Variants in IGBP1C observed in about 807,000 individuals in gnomAD.
IGBP1C encodes the protein immunoglobulin-binding protein 1 family member C.
the IGBP1C span, among the ~76,000 whole-genome samples, chr17:58,663,288 G>T: frequency 6.6e-6 from 1 of 151,162 alleles, no homozygotes; most frequent in Non-Finnish European, 1.5e-5. Context: ...CGGTTGTGGC[G>T]GTGCATGCCT....
the IGBP1C span, among the ~76,000 whole-genome samples, chr17:58,686,859 AC>A: frequency 9.2e-4 from 89 of 96,460 alleles, no homozygotes; most frequent in African/African-American, 3.5e-3. Context: ...ATGAAAGGTC[AC>A]CTTTTTTTTT....
At chr17:58,669,599 T>G in the IGBP1C span, among the ~76,000 whole-genome samples, 1 of 151,402 alleles carries the variant, frequency 6.6e-6, no homozygotes, top group African/African-American at 2.4e-5. Context: ...CCAGGTGTGG[T>G]GGCGCATGCC....
chr17:58,676,441 T>A, the IGBP1C span, among the ~76,000 whole-genome samples: 1 of 151,074 alleles, frequency 6.6e-6, no homozygotes, highest in East Asian at 1.9e-4. Context: ...GCGTCTGTAA[T>A]CTCAGCTACT....
the IGBP1C span, chr17:58,675,547 T>A: frequency 2.6e-5 from 4 of 152,200 alleles, no homozygotes; most frequent in African/African-American, 9.6e-5. Context: ...CTCCAGACAA[T>A]CTCTGGCTCT....
chr17:58,683,841 C>T, the IGBP1C span, among the ~76,000 whole-genome samples: 5 of 149,572 alleles, frequency 3.3e-5, no homozygotes, highest in South Asian at 4.2e-4. Context: ...CTGAGGCGGG[C>T]GGATCACAAG....
the IGBP1C span, chr17:58,677,522 A>G: frequency 3.3e-5 from 5 of 152,254 alleles, no homozygotes; most frequent in African/African-American, 7.2e-5. Flanking sequence ...GAGAAGCCAA[A>G]CACGGCCACA....
At chr17:58,685,194 G>T in the IGBP1C span, among the ~76,000 whole-genome samples, 1 of 152,046 alleles carries the variant, frequency 6.6e-6, no homozygotes, top group Non-Finnish European at 1.5e-5. Flanking sequence ...AGCACGTTGG[G>T]AGGCCGAGGT....
the IGBP1C span, among the ~76,000 whole-genome samples, chr17:58,686,833 C>T: frequency 6.7e-6 from 1 of 149,070 alleles, no homozygotes; most frequent in Non-Finnish European, 1.5e-5. Flanking sequence ...TCTCCTATTC[C>T]CAAACCCACT....
chr17:58,679,579 C>T, the IGBP1C span: 15 of 152,226 alleles, frequency 9.9e-5, no homozygotes, highest in Admixed American at 6.6e-5. Context: ...AATTAAGTTT[C>T]CCACATTTGT....
chr17:58,686,132 C>G, the IGBP1C span, among the ~76,000 whole-genome samples: 2 of 151,898 alleles, frequency 1.3e-5, no homozygotes, highest in Non-Finnish European at 2.9e-5. Context: ...GTCCTTGTGA[C>G]CAGGAGTTCA....
chr17:58,679,818 C>T, the IGBP1C span: 1 of 152,038 alleles, frequency 6.6e-6, no homozygotes, highest in Admixed American at 6.6e-5. Context: ...CTACAATAAC[C>T]CAGCACCTGT....
chr17:58,663,344 C>T, the IGBP1C span, among the ~76,000 whole-genome samples: 7 of 147,302 alleles, frequency 4.8e-5, no homozygotes, highest in East Asian at 4.0e-4. Context: ...ATTGCTTGAA[C>T]GTGGGAGGCG....
At chr17:58,679,298 G>A in the IGBP1C span, among the ~76,000 whole-genome samples, 2 of 152,188 alleles carry the variant, frequency 1.3e-5, no homozygotes, top group African/African-American at 4.8e-5. Flanking sequence ...CTCCCTTAGA[G>A]CCGCCAAAGG....
chr17:58,684,678 T>A, the IGBP1C span, among the ~76,000 whole-genome samples: 14 of 146,016 alleles, frequency 9.6e-5, no homozygotes, highest in South Asian at 2.2e-4. Flanking sequence ...AATAAATAAA[T>A]AAAAAGCTTT....
chr17:58,674,225 G>A, the IGBP1C span, among the ~76,000 whole-genome samples: 108 of 151,356 alleles, frequency 7.1e-4, 1 homozygote, highest in African/African-American at 2.4e-3. Flanking sequence ...GCAGTGAGCC[G>A]AGATCGCACC....
At chr17:58,682,807 G>A in the IGBP1C span, among the ~76,000 whole-genome samples, 7 of 152,136 alleles carry the variant, frequency 4.6e-5, no homozygotes, top group African/African-American at 7.2e-5. Context: ...GCAAAAAGAT[G>A]TCTGTCCTCC....
At chr17:58,667,592 G>T in the IGBP1C span, among the ~76,000 whole-genome samples, 1 of 152,154 alleles carries the variant, frequency 6.6e-6, no homozygotes, top group South Asian at 2.1e-4. Flanking sequence ...GCATGACAAA[G>T]ATTCTTTGCT....
At chr17:58,672,935 T>C in the IGBP1C span, among the ~76,000 whole-genome samples, 3 of 152,168 alleles carry the variant, frequency 2.0e-5, no homozygotes, top group South Asian at 4.2e-4. Context: ...TTTCTCCATG[T>C]TGGCCAGGCT....
At chr17:58,661,145 G>C in the IGBP1C span, 1 of 831,568 alleles carries the variant, frequency 1.2e-6, no homozygotes, top group East Asian at 2.4e-5. Flanking sequence ...AGATGCCATA[G>C]CAACGAGGCT....
Sources: gnomAD v4.1 joint callset for allele counts (sites outside exome capture counted in the v4.1 genomes callset) on GRCh38, gnomAD v4.1.1 for gene constraint, MANE v1.5 for transcripts, NCBI Gene and HGNC (gene_info 2026-07-23, HGNC 2026-07-21) for gene names.